EYS: variants seen among roughly 807,000 people sequenced by gnomAD.
The protein encoded by EYS is EGF-like photoreceptor maintenance factor.
Under a neutral mutation model 282.1 loss-of-function variants are expected in EYS, and 250 were observed. The ratio of observed to expected loss-of-function variants is 0.89; its 90% CI spans 0.80 to 0.98. The LOEUF is 0.98. Among genes scored for constraint, EYS ranks in the 50% least tolerant of loss-of-function variants. EYS has a pLI of 0.00. For missense variants in EYS, 4,016 were observed against 3,709.0 expected, an observed-to-expected ratio of 1.08 and a Z score of -2.15; for synonymous variants, 1,355 against 1,282.9, an observed-to-expected ratio of 1.06 and a Z score of -1.20.
chr6:64,219,236 G>A (rs540079692), intron 31 of EYS, among the ~76,000 whole-genome samples: 3 of 152,284 alleles, frequency 2.0e-5, no homozygotes, highest in Admixed American at 2.0e-4. Context: ...GGGCAGAAGG[G>A]TGTGGACAGT....
chr6:64,777,029 G>A (rs1773701295), intron 22 of EYS, among the ~76,000 whole-genome samples: 1 of 152,164 alleles, frequency 6.6e-6, no homozygotes, highest in Non-Finnish European at 1.5e-5. Flanking sequence ...CAGGAGAGCA[G>A]GAGAGAGAAT....
chr6:64,251,668 C>T (rs1454791088), intron 30 of EYS, among the ~76,000 whole-genome samples: 1 of 152,022 alleles, frequency 6.6e-6, no homozygotes, highest in African/African-American at 2.4e-5. Flanking sequence ...AGTATTATGA[C>T]CATGTTTTGC....
rs551724476 is a variant in EYS, at chr6:65,685,598, C to T, written c.-448+21537G>A. The stretch of plus-strand genomic sequence containing the variant: ...TCACATAGAGTTCAACCTTCATTCC[C>T]TGTTCAATATACCAGCTGCAAGAGT... On this transcript the variant is annotated intron_variant, in intron 1 of 42. Transcript: ENST00000503581. 2.2e-4 allele frequency among the ~76,000 whole-genome samples: 33 copies of T among 152,118 alleles called. 1 individual carries two copies. Among genetic ancestry groups the T allele is most frequent in the Admixed American group, 9.2e-4 (14 of 15,254 alleles).
At chr6:64,582,691 CA>C (rs923780007) in intron 26 of EYS, among the ~76,000 whole-genome samples, 21 of 150,710 alleles carry the variant, frequency 1.4e-4, no homozygotes, top group African/African-American at 5.1e-4. Context: ...GTAGAATGCA[CA>C]AAAAAGTTTG....
At chr6:64,657,764 C>A (rs141559405) in intron 22 of EYS, among the ~76,000 whole-genome samples, 2,159 of 152,270 alleles carry the variant, frequency 0.014, 43 homozygotes, top group African/African-American at 0.05. Context: ...GTAACCCAAC[C>A]TTTCTCTCTG....
chr6:64,076,410 A>G (rs1771772515), intron 32 of EYS, among the ~76,000 whole-genome samples: 1 of 151,968 alleles, frequency 6.6e-6, no homozygotes, highest in South Asian at 2.1e-4. Flanking sequence ...ACACAGTTTC[A>G]GATTAAGAGG....
chr6:64,546,521 G>T (rs1393423897), intron 26 of EYS, among the ~76,000 whole-genome samples: 2 of 152,172 alleles, frequency 1.3e-5, no homozygotes, highest in Non-Finnish European at 2.9e-5. Context: ...ATTGACAAAT[G>T]GGATCTAATT....
chr6:64,444,097 T>A (rs1386082721), intron 26 of EYS, among the ~76,000 whole-genome samples: 2 of 138,882 alleles, frequency 1.4e-5, no homozygotes, highest in Non-Finnish European at 3.2e-5. Context: ...ATTCCTCTCA[T>A]GAAATTAGGG....
chr6:65,348,979 T>A (rs1027702857), intron 9 of EYS, among the ~76,000 whole-genome samples: 4 of 151,654 alleles, frequency 2.6e-5, no homozygotes, highest in African/African-American at 9.7e-5. Context: ...TTTTATACTT[T>A]CTTTTTATGT....
intron 26 of EYS, among the ~76,000 whole-genome samples, chr6:64,573,727 T>C (rs187813928): frequency 6.6e-6 from 1 of 152,300 alleles, no homozygotes; most frequent in East Asian, 1.9e-4. Context: ...CACAATGAGA[T>C]GCCATCTCAC....
intron 35 of EYS, among the ~76,000 whole-genome samples, chr6:63,951,874 A>T (rs1268806136): frequency 6.6e-6 from 1 of 152,176 alleles, no homozygotes; most frequent in African/African-American, 2.4e-5. Flanking sequence ...AGCAACCCTG[A>T]GATGCTTTAC....
intron 12 of EYS, among the ~76,000 whole-genome samples, chr6:65,171,314 T>C (rs1562002826): frequency 6.6e-6 from 1 of 151,580 alleles, no homozygotes; most frequent in East Asian, 2.0e-4. Flanking sequence ...AGTCATCTAC[T>C]ATGAACAGGT....
intron 31 of EYS, among the ~76,000 whole-genome samples, chr6:64,133,619 C>CT (rs1774060123): frequency 6.6e-6 from 1 of 151,842 alleles, no homozygotes; most frequent in South Asian, 2.1e-4. Context: ...ATGTTTTAAA[C>CT]TTTATTTTCT....
Position 64,886,999 on chromosome 6 carries a change from T to C in EYS, c.2847-157A>G, listed in dbSNP as rs58449017. 0.15 allele frequency among the ~76,000 whole-genome samples: 23,398 copies of C among 151,814 alleles called. 2,117 individuals are homozygous for C. The highest frequency in any genetic ancestry group is 0.49 in the East Asian group (2,500 of 5,124). ...TTTCTTTGAAAAAATATAGCAATTC[T>C]CCTTGCAAAATTTTGTTCTGCTCAA... On this transcript the variant is annotated intron_variant, in intron 18 of 42. Coordinates refer to ENST00000503581, the MANE Select transcript of EYS (RefSeq NM_001142800.2).
At chr6:64,197,751 T>G (rs1437517769) in intron 31 of EYS, among the ~76,000 whole-genome samples, 1 of 146,006 alleles carries the variant, frequency 6.8e-6, no homozygotes, top group Non-Finnish European at 1.5e-5. Flanking sequence ...TACTTTAAAT[T>G]TTATCTTGTT....
intron 15 of EYS, among the ~76,000 whole-genome samples, chr6:64,917,516 CA>C (rs1349580748): frequency 1.3e-5 from 2 of 151,996 alleles, no homozygotes; most frequent in African/African-American, 4.8e-5. Context: ...CTCTTAGAAG[CA>C]AACAGTAAAA....
chr6:63,889,206 A>C (rs1562080782), intron 35 of EYS, among the ~76,000 whole-genome samples: 1 of 152,230 alleles, frequency 6.6e-6, no homozygotes, highest in Non-Finnish European at 1.5e-5. Context: ...ACCAAGTTGG[A>C]AAACACACTT....
At chr6:65,196,936 T>G (rs992504078) in intron 12 of EYS, among the ~76,000 whole-genome samples, 2 of 151,996 alleles carry the variant, frequency 1.3e-5, no homozygotes, top group African/African-American at 4.8e-5. Flanking sequence ...GTGGCTGCAA[T>G]GGGGTGCCAG....
rs1190608697 is a variant in EYS at position 64,509,965 on chromosome 6, T to A, written c.5645-70613A>T. Among the ~76,000 whole-genome samples the A allele has an allele frequency of 3.9e-5, 6 of 152,288 alleles. No homozygotes were observed. In the East Asian group the frequency reaches 1.2e-3, roughly 29 times the overall value. On this transcript the variant is annotated intron_variant, in intron 26 of 42. Transcript: ENST00000503581. Reference sequence around the variant, plus strand: ...TCTTACAATAAATATTGGGAATCAATCTCTTTCATATTGATTTTATTATTT... The same window carrying A: ...TCTTACAATAAATATTGGGAATCAAACTCTTTCATATTGATTTTATTATTT...
Sources: allele counts gnomAD v4.1 joint callset (sites outside exome capture counted in the v4.1 genomes callset), GRCh38; gene constraint gnomAD v4.1.1; transcripts MANE v1.5; gene names NCBI Gene and HGNC (gene_info 2026-07-23, HGNC 2026-07-21).